The following PTPN14 variants were observed in gnomAD, a reference collection of about 807,000 sequenced individuals.
PTPN14 encodes the protein tyrosine-protein phosphatase non-receptor type 14.
PTPN14 carries 53 observed loss-of-function variants against 126.8 expected under a neutral mutation model. The observed-to-expected ratio is 0.42, with a 90% CI of 0.34 to 0.53. The LOEUF (loss-of-function observed/expected upper bound fraction) is 0.53, where lower values mean the gene tolerates loss of function less well. Ranked by LOEUF, PTPN14 falls within the 20% of genes least tolerant of loss-of-function variation. PTPN14 has a pLI of 0.08. For missense variants in PTPN14, 1,257 were observed against 1,552.9 expected (o/e 0.81, Z 3.20); for synonymous variants, 630 against 599.3 (o/e 1.05, Z -0.75).
intron 1 of PTPN14, among the ~76,000 whole-genome samples, chr1:214,521,729 A>C (rs796094091): frequency 6.7e-6 from 1 of 150,098 alleles, no homozygotes; most frequent in Admixed American, 6.6e-5. Context: ...GCACACCCAC[A>C]CACACACACA....
intron 15 of PTPN14, among the ~76,000 whole-genome samples, chr1:214,375,402 A>T (rs890486712): frequency 6.6e-6 from 1 of 152,248 alleles, no homozygotes; most frequent in African/African-American, 2.4e-5. Context: ...GTTATTTAAC[A>T]ACACCTATAA....
chr1:214,422,627 C>T (rs538406513), intron 3 of PTPN14, among the ~76,000 whole-genome samples: 14 of 152,288 alleles, frequency 9.2e-5, no homozygotes, highest in Admixed American at 7.2e-4. Flanking sequence ...TCCTGGTAAA[C>T]GGCCACGTTC....
chr1:214,507,711 G>A (rs182758154), intron 1 of PTPN14, among the ~76,000 whole-genome samples: 1 of 152,072 alleles, frequency 6.6e-6, no homozygotes, highest in South Asian at 2.1e-4. Context: ...GCGATAAAAC[G>A]AATCTCACAA....
At chr1:214,467,976 G>A (rs1028914979) in intron 1 of PTPN14, among the ~76,000 whole-genome samples, 64 of 151,802 alleles carry the variant, frequency 4.2e-4, no homozygotes, top group African/African-American at 1.5e-3. Context: ...GGCTGCTGTA[G>A]AATAAAAGAG....
At chr1:214,379,754 T>C (rs1242456214) in intron 13 of PTPN14, among the ~76,000 whole-genome samples, 1 of 152,216 alleles carries the variant, frequency 6.6e-6, no homozygotes, top group Non-Finnish European at 1.5e-5. Context: ...GGAAGCCCCC[T>C]CCCTACTTCA....
intron 1 of PTPN14, among the ~76,000 whole-genome samples, chr1:214,493,929 T>C (rs780851359): frequency 9.2e-5 from 14 of 152,204 alleles, no homozygotes; most frequent in Non-Finnish European, 1.8e-4. Flanking sequence ...ATAAGTTTTT[T>C]AAAAAGAACC....
At chr1:214,506,613 G>A (rs995045897) in intron 1 of PTPN14, among the ~76,000 whole-genome samples, 1 of 152,196 alleles carries the variant, frequency 6.6e-6, no homozygotes, top group Non-Finnish European at 1.5e-5. Flanking sequence ...TTAATTGGAT[G>A]TGACAAACGG....
chr1:214,485,479 T>C lies in PTPN14; in HGVS notation c.-154-20522A>G, dbSNP rs78314562. Among the ~76,000 whole-genome samples, 346 of 152,196 alleles carry C rather than the reference T, an allele frequency of 2.3e-3. 6 individuals are homozygous for C. In the East Asian group the frequency reaches 0.046, roughly 20 times the overall value. ...CGGGATCAAGTCCTCATTAGACAAG[T>C]GGTATGAAATTCTCCTTCCTGTAAT... On this transcript the variant is annotated intron_variant, in intron 1 of 18. Transcript: ENST00000366956.
chr1:214,392,995 C>T (rs1044553560), intron 10 of PTPN14, among the ~76,000 whole-genome samples: 2 of 152,140 alleles, frequency 1.3e-5, no homozygotes, highest in African/African-American at 4.8e-5. Context: ...GCGCCCAAAC[C>T]GCTGAATGTA....
intron 5 of PTPN14, among the ~76,000 whole-genome samples, chr1:214,409,400 C>G (rs1195971369): frequency 2.0e-5 from 3 of 152,148 alleles, no homozygotes; most frequent in African/African-American, 7.2e-5. Flanking sequence ...TGGCAAATGA[C>G]AAAATTCTGT....
At chr1:214,417,405 A>C (rs1659450999) in intron 3 of PTPN14, among the ~76,000 whole-genome samples, 1 of 152,172 alleles carries the variant, frequency 6.6e-6, no homozygotes. Context: ...GGCCTCATCT[A>C]TCTAGAATCT....
chr1:214,532,357 G>A, intron 1 of PTPN14: 1 of 574,524 alleles, frequency 1.7e-6, no homozygotes, highest in South Asian at 1.8e-5. Flanking sequence ...GATGGCTTGG[G>A]GTCCCGGGGC....
At chr1:214,512,457 C>T (rs1288157348) in intron 1 of PTPN14, among the ~76,000 whole-genome samples, 1 of 152,054 alleles carries the variant, frequency 6.6e-6, no homozygotes. Flanking sequence ...TCACAAAAAG[C>T]CACATTCTGT....
chr1:214,411,009 G>A (rs1376818728), intron 5 of PTPN14, among the ~76,000 whole-genome samples: 1 of 152,040 alleles, frequency 6.6e-6, no homozygotes, highest in African/African-American at 2.4e-5. Flanking sequence ...ATTTTGATAG[G>A]GATTGCATTA....
intron 7 of PTPN14, among the ~76,000 whole-genome samples, chr1:214,401,139 G>A (rs1400046274): frequency 6.6e-6 from 1 of 152,184 alleles, no homozygotes; most frequent in African/African-American, 2.4e-5. Context: ...GGAGGTGGAT[G>A]TGCTGCAAAG....
At chr1:214,379,145 A>T (rs539567530) in intron 13 of PTPN14, among the ~76,000 whole-genome samples, 2 of 152,352 alleles carry the variant, frequency 1.3e-5, no homozygotes, top group African/African-American at 4.8e-5. Context: ...CATTCCTCAT[A>T]GAAGCAGATG....
At chr1:214,525,185 G>A (rs901683066) in intron 1 of PTPN14, among the ~76,000 whole-genome samples, 15 of 152,262 alleles carry the variant, frequency 9.9e-5, no homozygotes, top group Non-Finnish European at 1.9e-4. Flanking sequence ...GCAATGTTTT[G>A]CAGAGGGCAG....
intron 3 of PTPN14, among the ~76,000 whole-genome samples, chr1:214,443,418 A>G (rs988337794): frequency 1.5e-4 from 23 of 152,084 alleles, no homozygotes; most frequent in Non-Finnish European, 5.9e-5. Flanking sequence ...CTACATTTCT[A>G]TTTTCTTATT....
chr1:214,492,742 G>C (rs1254225035), intron 1 of PTPN14, among the ~76,000 whole-genome samples: 1 of 151,856 alleles, frequency 6.6e-6, no homozygotes, highest in African/African-American at 2.4e-5. Flanking sequence ...ACCCCGTCTC[G>C]ATTAAAGATA....
Sources: allele counts gnomAD v4.1 joint callset (sites outside exome capture counted in the v4.1 genomes callset), GRCh38; gene constraint gnomAD v4.1.1; transcripts MANE v1.5; gene names NCBI Gene and HGNC (gene_info 2026-07-23, HGNC 2026-07-21).